The following SCARB1 variants were observed in gnomAD, a reference collection of about 807,000 sequenced individuals.
SCARB1 encodes CD36 and LIMPII analogous 1.
A neutral mutation model predicts 57.2 loss-of-function variants in SCARB1; 30 were observed. That is an observed-to-expected ratio of 0.52 (90% CI 0.39 to 0.71). The LOEUF is 0.71. Among genes scored for constraint, SCARB1 ranks in the 30% least tolerant of loss-of-function variants. SCARB1 has a pLI of 0.00. For synonymous variants in SCARB1, 249 were observed against 268.3 expected (o/e 0.93, Z 0.70); for missense variants, 543 against 671.2 (o/e 0.81, Z 2.11).
chr12:124,842,328 G>A lies in SCARB1; in HGVS notation c.126+21267C>T, dbSNP rs550917164. Among the ~76,000 whole-genome samples the A allele has an allele frequency of 9.8e-5, 15 of 152,318 alleles. 1 individual carries two copies. The highest frequency in any genetic ancestry group is 9.1e-4 in the Admixed American group (14 of 15,302). On this transcript the variant is annotated intron_variant, in intron 1 of 12. Transcript: ENST00000261693. ...CTGGAGTTCATCAATAACACAAGCC[G>A]AGAAAGCCCCAGGAAAGCTGGAGAC... is the stretch of plus-strand genomic sequence containing the variant.
intron 8 of SCARB1, among the ~76,000 whole-genome samples, chr12:124,795,734 G>T (rs547670158): frequency 6.6e-6 from 1 of 152,284 alleles, no homozygotes; most frequent in African/African-American, 2.4e-5. Flanking sequence ...TTGAAGAGTA[G>T]GTCTCAGCCA....
rs1166771422 is a variant in SCARB1, at chr12:124,778,533, G to A, written c.*54C>T. On this transcript the variant is annotated 3_prime_UTR_variant, in exon 13 of 13. Transcript: ENST00000261693. ...GGAGAAGCGGGGTGTAGGGGCTGGG[G>A]GGCCGGTCAGGCCCAGCGGCCAGGC... The A allele has an allele frequency of 7.3e-7, 1 of 1,374,478 alleles. No homozygotes were observed. 85.1% of individuals were successfully genotyped at this position (1,374,478 alleles called of 1,614,324 possible).
At chr12:124,803,446 T>C (rs1950204033) in intron 7 of SCARB1, among the ~76,000 whole-genome samples, 1 of 151,884 alleles carries the variant, frequency 6.6e-6, no homozygotes, top group Admixed American at 6.6e-5. Flanking sequence ...TAGCAACCGC[T>C]TGTAGTCCCA....
At chr12:124,851,608 A>AT (rs5801574) in intron 1 of SCARB1, among the ~76,000 whole-genome samples, 8,241 of 128,106 alleles carry the variant, frequency 0.064, 642 homozygotes, top group African/African-American at 0.17. Flanking sequence ...AAAGGATTCC[A>AT]TTTTTTTTTT....
chr12:124,861,057 G>A (rs993140755), intron 1 of SCARB1, among the ~76,000 whole-genome samples: 6 of 152,052 alleles, frequency 3.9e-5, no homozygotes, highest in South Asian at 2.1e-4. Context: ...TAAAATGGGG[G>A]AAACTTTCTC....
In SCARB1 at chr12:124,814,429, G is replaced by A. The variant is rs770738291; in HGVS notation, c.427-24C>T. The A allele has an allele frequency of 2.5e-6, 4 of 1,610,528 alleles. No homozygotes were observed. The highest frequency in any genetic ancestry group is 1.3e-5 in the African/African-American group (1 of 74,840). On this transcript the variant is annotated intron_variant, in intron 3 of 12. Coordinates refer to ENST00000261693, the MANE Select transcript of SCARB1 (RefSeq NM_005505.5). This position sits in a 1 kb window ranked among gnomAD's most constrained non-coding sequence, Gnocchi z 4.7. ...CCCTGCAAGGCGAAGGGACACTAGT[G>A]TCAGAGGCTGGACGTGGCTGGCCCA...
intron 1 of SCARB1, chr12:124,821,455 C>T: frequency 1.0e-6 from 1 of 984,992 alleles, no homozygotes; most frequent in Non-Finnish European, 1.2e-6. Flanking sequence ...GTCATGGGAT[C>T]CGGCCGCGTG....
chr12:124,842,213 GC>G (rs902518785), intron 1 of SCARB1, among the ~76,000 whole-genome samples: 4 of 152,214 alleles, frequency 2.6e-5, no homozygotes, highest in African/African-American at 9.7e-5. Context: ...CCAGCCAGGA[GC>G]AAGAGGGCAC....
intron 1 of SCARB1, among the ~76,000 whole-genome samples, chr12:124,838,971 C>T (rs565578609): frequency 7.9e-5 from 12 of 151,912 alleles, no homozygotes; most frequent in African/African-American, 1.2e-4. Flanking sequence ...GACGGGGTTT[C>T]ACCATCTTGG....
chr12:124,855,358 C>T (rs532624147), intron 1 of SCARB1, among the ~76,000 whole-genome samples: 52 of 152,288 alleles, frequency 3.4e-4, no homozygotes, highest in African/African-American at 1.2e-3. Flanking sequence ...TCTGAGCAGG[C>T]GGAGTGTCTC....
chr12:124,857,754 G>T (rs140798613), intron 1 of SCARB1, among the ~76,000 whole-genome samples: 6 of 152,314 alleles, frequency 3.9e-5, no homozygotes, highest in African/African-American at 1.4e-4. Context: ...TTGAGACAGG[G>T]ATCATAGGTG....
At chr12:124,821,672 G>A (rs918684922) in intron 1 of SCARB1, 8 of 379,112 alleles carry the variant, frequency 2.1e-5, no homozygotes, top group African/African-American at 2.2e-5. Flanking sequence ...GGAGAGTGTC[G>A]CCTCATGGGC....
At chr12:124,853,647 G>A (rs545019898) in intron 1 of SCARB1, among the ~76,000 whole-genome samples, 2 of 152,176 alleles carry the variant, frequency 1.3e-5, no homozygotes, top group East Asian at 1.9e-4. Context: ...CACCCACTTC[G>A]GCCTCCCAAA....
At chr12:124,832,318 G>A (rs2135746710) in intron 1 of SCARB1, among the ~76,000 whole-genome samples, 1 of 152,270 alleles carries the variant, frequency 6.6e-6, no homozygotes, top group East Asian at 1.9e-4. Flanking sequence ...TCAGGAGTTG[G>A]AGACTAGCCT....
At chr12:124,813,244 C>T (rs1950585805) in intron 4 of SCARB1, among the ~76,000 whole-genome samples, 1 of 152,180 alleles carries the variant, frequency 6.6e-6, no homozygotes, top group Non-Finnish European at 1.5e-5. Context: ...CTGGAACACG[C>T]TGTTTTACCC....
chr12:124,852,325 A>G (rs986354997), intron 1 of SCARB1, among the ~76,000 whole-genome samples: 20 of 152,224 alleles, frequency 1.3e-4, no homozygotes, highest in Admixed American at 2.6e-4. Flanking sequence ...GGAGTGTGTT[A>G]AGACTCAGGC....
At chr12:124,787,733 A>G (rs1949576361) in intron 9 of SCARB1, among the ~76,000 whole-genome samples, 1 of 151,326 alleles carries the variant, frequency 6.6e-6, no homozygotes. Context: ...TCTTTAGTTG[A>G]CAAGGTGAGA....
chr12:124,838,189 A>T (rs769408019), intron 1 of SCARB1, among the ~76,000 whole-genome samples: 8 of 152,244 alleles, frequency 5.3e-5, no homozygotes, highest in Non-Finnish European at 8.8e-5. Flanking sequence ...ACAGAAATTC[A>T]GGAAGGGCCA....
chr12:124,855,777 T>C (rs1594403659), intron 1 of SCARB1, among the ~76,000 whole-genome samples: 1 of 152,112 alleles, frequency 6.6e-6, no homozygotes, highest in African/African-American at 2.4e-5. Context: ...GGGTGTGGCT[T>C]ATGGCCCCAG....
Sources: gnomAD v4.1 joint callset for allele counts (sites outside exome capture counted in the v4.1 genomes callset) on GRCh38, gnomAD v4.1.1 for gene constraint, Gnocchi (gnomAD v3.1) non-coding constraint, MANE v1.5 for transcripts, NCBI Gene and HGNC (gene_info 2026-07-23, HGNC 2026-07-21) for gene names.